CS: variants seen among roughly 807,000 people sequenced by gnomAD.
CS encodes citrate synthase, mitochondrial.
CS carries 13 observed loss-of-function variants against 61.4 expected under a neutral mutation model. The ratio of observed to expected loss-of-function variants is 0.21; its 90% CI spans 0.14 to 0.34. The LOEUF (loss-of-function observed/expected upper bound fraction) is 0.34. CS is among the 10% of genes least tolerant of loss of function. The pLI is 1.00. For synonymous variants in CS, 159 were observed against 215.2 expected, an observed-to-expected ratio of 0.74 and a Z score of 2.29; for missense variants, 278 against 573.4, an observed-to-expected ratio of 0.48 and a Z score of 5.26.
chr12:56,298,541 TTA>T (rs1873379026), intron 1 of CS: 6 of 733,352 alleles, frequency 8.2e-6, no homozygotes, highest in African/African-American at 5.7e-5. Flanking sequence ...AATGAGCTAA[TTA>T]TAGTGTCCCC....
Position 56,276,145 on chromosome 12 carries a change from T to C in CS, c.639A>G (p.Ala213=), listed in dbSNP as rs2135910417. Residue 213 remains alanine (A), a synonymous_variant, in exon 7 of 11, where the codon GCA becomes GCG. Transcript: ENST00000351328. The stretch of plus-strand genomic sequence containing the variant: ...TGTAGAGATTTCGGTAGATCTTTGC[T>C]GCAACACAAGGTAGCTTTGCGATTA... ...MDLIAKLPCV[A]AKIYRNLYRE... 3.1e-6 allele frequency: 5 copies of C among 1,614,138 alleles called. No individual in the cohort carries two copies. The Admixed American group carries it at 5.0e-5, about 16-fold the overall frequency.
At chr12:56,289,147 A>G (rs1485058212) in intron 1 of CS, among the ~76,000 whole-genome samples, 3 of 152,206 alleles carry the variant, frequency 2.0e-5, no homozygotes, top group Non-Finnish European at 4.4e-5. Context: ...GAAAATAGGC[A>G]GCACAAACAG....
chr12:56,281,313 G>C (rs1269958660), intron 6 of CS, among the ~76,000 whole-genome samples: 1 of 152,216 alleles, frequency 6.6e-6, no homozygotes, highest in East Asian at 1.9e-4. Context: ...TATGTACTAT[G>C]CATTGGGATA....
Position 56,283,876 on chromosome 12 carries a change from G to C in CS, c.202-19C>G. The C allele has an allele frequency of 1.9e-6, 3 of 1,571,834 alleles. No individual in the cohort carries two copies. Among genetic ancestry groups the C allele is most frequent in the Non-Finnish European group, 2.6e-6 (3 of 1,154,462 alleles). On this transcript the variant is annotated intron_variant, in intron 3 of 10. Transcript: ENST00000351328. Reference sequence around the variant, plus strand: ...CATACATCTAAAGAGGATGAAGAAAGAAGGAAAAAAAAAAGAGGCTGTGGC... The same window carrying C: ...CATACATCTAAAGAGGATGAAGAAACAAGGAAAAAAAAAAGAGGCTGTGGC...
At chr12:56,298,605 T>C (rs1873381397) in intron 1 of CS, 1 of 985,144 alleles carries the variant, frequency 1.0e-6, no homozygotes, top group Admixed American at 6.2e-5. Context: ...AGAGGTTTCC[T>C]TACCCTTTTC....
chr12:56,288,476 T>C (rs1180183815), intron 1 of CS, among the ~76,000 whole-genome samples: 1 of 150,014 alleles, frequency 6.7e-6, no homozygotes, highest in Non-Finnish European at 1.5e-5. Flanking sequence ...GCTGGGATTA[T>C]AGGCACACGC....
At chr12:56,285,833 T>C in intron 3 of CS, 83 bp downstream of exon 3, 1 of 1,130,366 alleles carries the variant, frequency 8.8e-7, no homozygotes, top group Non-Finnish European at 1.3e-6. Flanking sequence ...AGAATGCTTT[T>C]GAATAGTCAG....
intron 6 of CS, among the ~76,000 whole-genome samples, chr12:56,277,676 G>T (rs1872663588): frequency 6.8e-6 from 1 of 146,960 alleles, no homozygotes; most frequent in South Asian, 2.2e-4. Flanking sequence ...TGTCGCCGAG[G>T]CTGGAGTACA....
At position 56,271,938 on chromosome 12, in the gene CS, C is replaced by T; in HGVS notation, c.*1146G>A. 2.2e-6 allele frequency: 1 copy of T among 455,860 alleles called. No individual in the cohort carries two copies. The highest frequency in any genetic ancestry group is 1.6e-5 in the South Asian group (1 of 64,480). 28.2% of individuals were successfully genotyped at this position (455,860 alleles called of 1,614,324 possible). On this transcript the variant is annotated 3_prime_UTR_variant, in exon 11 of 11. Coordinates refer to ENST00000351328, the MANE Select transcript of CS (RefSeq NM_004077.3). ...CATTCTGAGTTGCTGAAAACCTGTG[C>T]AAATGGGGCTTCTGAAACATTGTAC...
intron 1 of CS, among the ~76,000 whole-genome samples, chr12:56,287,161 C>A (rs1253662924): frequency 6.6e-6 from 1 of 152,140 alleles, no homozygotes; most frequent in Non-Finnish European, 1.5e-5. Context: ...TGGAAACTTG[C>A]AAAGTTTCTA....
intron 1 of CS, among the ~76,000 whole-genome samples, chr12:56,287,479 CAAAAAAAAAAAAAAAAAA>C (rs61199207): frequency 4.5e-5 from 2 of 44,736 alleles, no homozygotes; most frequent in South Asian, 1.7e-3. Flanking sequence ...AAGACTCTGT[CAAAAAAAAAAAAAAAAAA>C]AAAAAAAAAA....
intron 1 of CS, among the ~76,000 whole-genome samples, chr12:56,287,095 A>G (rs1239086040): frequency 2.0e-5 from 3 of 152,220 alleles, no homozygotes. Flanking sequence ...CCCTCCTGGA[A>G]AAAGCACAAA....
intron 1 of CS, among the ~76,000 whole-genome samples, chr12:56,287,883 C>G (rs1565622489): frequency 6.6e-6 from 1 of 152,156 alleles, no homozygotes; most frequent in Non-Finnish European, 1.5e-5. Flanking sequence ...GTCTCAAACT[C>G]CTGACCTCAG....
At chr12:56,296,745 A>G (rs1873319099) in intron 1 of CS, among the ~76,000 whole-genome samples, 1 of 152,032 alleles carries the variant, frequency 6.6e-6, no homozygotes, top group African/African-American at 2.4e-5. Flanking sequence ...GCATTCATTC[A>G]CCTGCTACCA....
At chr12:56,298,062 G>A (rs1477055409) in intron 1 of CS, among the ~76,000 whole-genome samples, 3 of 151,882 alleles carry the variant, frequency 2.0e-5, no homozygotes, top group Admixed American at 6.6e-5. Flanking sequence ...GCAATGGAGC[G>A]ATCTGGGCTC....
chr12:56,276,059 T>C lies in CS; in HGVS notation c.725A>G (p.Asn242Ser). The C allele has an allele frequency of 6.2e-7, 1 of 1,614,140 alleles. No homozygotes were observed. Among genetic ancestry groups the C allele is most frequent in the Non-Finnish European group, 8.5e-7 (1 of 1,180,026 alleles). The change falls in exon 7 of 11, where the codon AAC becomes AGC. Residue 242 changes from asparagine (N) to serine (S), a missense_variant. By Grantham distance (46) the Asn-to-Ser change is conservative. Coordinates refer to ENST00000351328, the MANE Select transcript of CS (RefSeq NM_004077.3). ...SNLDWSHNFT[N>S]MLGYTDHQFT... ...CTGATGATCAGTATAGCCTAACATG[T>C]TGGTGAAATTGTGAGACCAGTCCAG...
chr12:56,300,038 C>A, intron 1 of CS, 122 bp downstream of exon 1: 1 of 932,542 alleles, frequency 1.1e-6, no homozygotes, highest in Non-Finnish European at 1.6e-6. Context: ...GCCAGCCAAG[C>A]GCAGGGCCCT....
At chr12:56,282,662 A>C in intron 5 of CS, 54 bp from the exon 6 acceptor site, 8 of 1,548,654 alleles carry the variant, frequency 5.2e-6, no homozygotes, top group Non-Finnish European at 5.2e-6. Flanking sequence ...GAAGGAGAAA[A>C]ATAAAAAAGG....
chr12:56,287,507 A>G (rs1164341816), intron 1 of CS, among the ~76,000 whole-genome samples: 1 of 148,866 alleles, frequency 6.7e-6, no homozygotes, highest in Non-Finnish European at 1.5e-5. Flanking sequence ...AAAAAAAAAA[A>G]AAAGAGAGAG....
Sources: allele counts gnomAD v4.1 joint callset (sites outside exome capture counted in the v4.1 genomes callset), GRCh38; gene constraint gnomAD v4.1.1; transcripts MANE v1.5; gene names NCBI Gene and HGNC (gene_info 2026-07-23, HGNC 2026-07-21).